OAF: variants seen among roughly 807,000 people sequenced by gnomAD.
The protein encoded by OAF is out at first homolog, also known as out at first protein homolog.
Under a neutral mutation model 22.5 loss-of-function variants are expected in OAF, and 13 were observed. That is an observed-to-expected ratio of 0.58 (90% CI 0.38 to 0.92). The LOEUF (loss-of-function observed/expected upper bound fraction) is 0.92, where lower values mean the gene tolerates loss of function less well. Among genes scored for constraint, OAF ranks in the 40% least tolerant of loss-of-function variants. The pLI is 0.00. For synonymous variants in OAF, 175 were observed against 170.5 expected, an observed-to-expected ratio of 1.03 and a Z score of -0.21; for missense variants, 347 against 381.8, an observed-to-expected ratio of 0.91 and a Z score of 0.76.
In OAF at chr11:120,211,345, G is replaced by A. The variant is rs1330127908; in HGVS notation, c.66G>A (p.Pro22=). ...TGCTGCTGCTGCCGCTGCTCGCGCC[G>A]CTGCTGGGAACGGGTGCGCCGGCCG... The part of the protein sequence containing the change: ...ALLLLLPLLA[P]LLGTGAPAEL... Residue 22 remains proline, a synonymous_variant, in exon 1 of 4, where the codon CCG becomes CCA. Coordinates refer to ENST00000328965, the MANE Select transcript of OAF (RefSeq NM_178507.4). 2.3e-5 allele frequency: 33 copies of A among 1,425,202 alleles called. No individual in the cohort carries two copies. Among genetic ancestry groups the A allele is most frequent in the Non-Finnish European group, 2.9e-5 (31 of 1,085,484 alleles). 88.3% of individuals were successfully genotyped at this position (1,425,202 alleles called of 1,614,324 possible).
At chr11:120,220,475 C>G (rs1380748056) in intron 1 of OAF, among the ~76,000 whole-genome samples, 2 of 152,206 alleles carry the variant, frequency 1.3e-5, no homozygotes, top group Non-Finnish European at 2.9e-5. Context: ...GGATGCACTT[C>G]AAGCAAGCCA....
At chr11:120,212,594 G>C (rs951478695) in intron 1 of OAF, among the ~76,000 whole-genome samples, 10 of 151,500 alleles carry the variant, frequency 6.6e-5, no homozygotes. Flanking sequence ...CCGGGGCCCC[G>C]GGGACCCTTG....
intron 3 of OAF, 146 bp downstream of exon 3, chr11:120,227,142 A>G (rs1938370852): frequency 1.7e-6 from 1 of 583,226 alleles, no homozygotes; most frequent in Non-Finnish European, 3.0e-6. Flanking sequence ...TTTGTTCAGG[A>G]GACATTTACT....
At position 120,225,738 on chromosome 11, in the gene OAF, C is replaced by T. The variant is rs1306625219; in HGVS notation, c.309C>T (p.Val103=). The T allele has an allele frequency of 1.2e-6, 2 of 1,606,494 alleles. No homozygotes were observed. Among genetic ancestry groups the T allele is most frequent in the Admixed American group, 3.4e-5 (2 of 59,026 alleles). ...GTCAGTTCCAGGCCCTCTGCTTTGT[C>T]ACCCAGCTGCAGCACAATGAGATCA... ...GQSQFQALCF[V]TQLQHNEIIP... is the part of the protein sequence containing the mutation. The change falls in exon 2 of 4, where the codon GTC becomes GTT. Residue 103 remains valine, a synonymous_variant. Coordinates refer to ENST00000328965, the MANE Select transcript of OAF (RefSeq NM_178507.4).
chr11:120,228,824 C>CT, intron 3 of OAF, 44 bp from the exon 4 acceptor site: 30 of 519,054 alleles, frequency 5.8e-5, no homozygotes, highest in Middle Eastern at 4.9e-4. Context: ...AGCTCCTTCC[C>CT]TCCCTCCCTC....
intron 1 of OAF, among the ~76,000 whole-genome samples, chr11:120,216,295 T>C (rs942319534): frequency 6.6e-6 from 1 of 152,064 alleles, no homozygotes; most frequent in Non-Finnish European, 1.5e-5. Context: ...CAAGGAGATA[T>C]CACAGCACAT....
chr11:120,221,937 G>A (rs1451258370), intron 1 of OAF, among the ~76,000 whole-genome samples: 1 of 152,180 alleles, frequency 6.6e-6, no homozygotes, highest in African/African-American at 2.4e-5. Flanking sequence ...AGTCCCTGTT[G>A]TAGGCTCTTC....
chr11:120,225,557 G>C (rs752407455), intron 1 of OAF, 104 bp from the exon 2 acceptor site: 1 of 991,736 alleles, frequency 1.0e-6, no homozygotes, highest in African/African-American at 1.7e-5. Context: ...TCTGTTGCCC[G>C]GCAGTGTCCA....
chr11:120,216,061 C>T (rs184278159), intron 1 of OAF, among the ~76,000 whole-genome samples: 144 of 152,186 alleles, frequency 9.5e-4, no homozygotes, highest in African/African-American at 3.2e-3. Flanking sequence ...AGCTCAGGGC[C>T]GCTTCGAAGG....
chr11:120,228,825 T>TTCCAAA, intron 3 of OAF, 43 bp from the exon 4 acceptor site: 10 of 434,170 alleles, frequency 2.3e-5, no homozygotes, highest in Non-Finnish European at 4.2e-5. Flanking sequence ...GCTCCTTCCC[T>TTCCAAA]CCCTCCCTCC....
Position 120,226,806 on chromosome 11 carries a change from CCA to C in OAF, c.367-3_367-2del, listed in dbSNP as rs1938363122. 6 of 1,582,484 alleles carry C rather than the reference CCA, an allele frequency of 3.8e-6. No individual in the cohort carries two copies. Among genetic ancestry groups the C allele is most frequent in the Non-Finnish European group, 5.2e-6 (6 of 1,157,658 alleles). ...AAGCCAGGTAGGAGTGACTTCTCTC[CCA>C]CACACAGAAAAATCCCCGGGCAGTG... is the stretch of plus-strand genomic sequence containing the variant. On this transcript the variant is annotated splice_region_variant and splice_polypyrimidine_tract_variant and intron_variant, in intron 2 of 3. Transcript: ENST00000328965.
At chr11:120,228,821 T>TGCCATCCCAA in intron 3 of OAF, 47 bp from the exon 4 acceptor site, 2 of 520,278 alleles carry the variant, frequency 3.8e-6, no homozygotes, top group Non-Finnish European at 7.2e-6. Context: ...GGGAGCTCCT[T>TGCCATCCCAA]CCCTCCCTCC....
chr11:120,221,481 C>T (rs1938278948), intron 1 of OAF, among the ~76,000 whole-genome samples: 1 of 152,204 alleles, frequency 6.6e-6, no homozygotes, highest in African/African-American at 2.4e-5. Context: ...AAGTTCAGCC[C>T]ACTGTGTTCT....
intron 1 of OAF, among the ~76,000 whole-genome samples, chr11:120,213,065 A>G (rs983952593): frequency 2.0e-5 from 3 of 151,464 alleles, no homozygotes; most frequent in Non-Finnish European, 4.4e-5. Context: ...GAGGCTCCCA[A>G]CCCCCTGCCC....
chr11:120,227,302 A>G (rs1254830127), intron 3 of OAF, among the ~76,000 whole-genome samples: 1 of 152,144 alleles, frequency 6.6e-6, no homozygotes, highest in Non-Finnish European at 1.5e-5. Context: ...ACCAGGCTAC[A>G]GTTGGTCTGG....
intron 1 of OAF, among the ~76,000 whole-genome samples, chr11:120,218,224 C>G (rs1247069336): frequency 6.6e-6 from 1 of 152,036 alleles, no homozygotes; most frequent in African/African-American, 2.4e-5. Flanking sequence ...TGCTAATGCC[C>G]CAAGACAAGC....
chr11:120,211,159 C>T lies in OAF; in HGVS notation c.-121C>T. On this transcript the variant is annotated 5_prime_UTR_variant, in exon 1 of 4. Transcript: ENST00000328965. ...CTCGCGGGCGACCCCGCGGCCAAGG[C>T]CCCCGGCGGAGCGGCTCCCGGGCGC... 2.5e-6 allele frequency: 1 copy of T among 407,544 alleles called. No individual in the cohort carries two copies. The highest frequency in any genetic ancestry group is 1.2e-4 in the South Asian group (1 of 8,474). The allele number at this position is 407,544 out of a possible 1,614,324, so 25.2% of individuals were successfully genotyped here. A position where few individuals can be genotyped will look rare whatever the true frequency, so the allele number is the denominator to read the frequency against.
At chr11:120,225,640 C>A in intron 1 of OAF, 21 bp from the exon 2 acceptor site, 1 of 1,573,492 alleles carries the variant, frequency 6.4e-7, no homozygotes. Flanking sequence ...CAGCCGTTCC[C>A]ATCCTCCTGC....
At chr11:120,225,584 G>C (rs1938344463) in intron 1 of OAF, 77 bp from the exon 2 acceptor site, 4 of 1,367,084 alleles carry the variant, frequency 2.9e-6, no homozygotes, top group Non-Finnish European at 3.9e-6. Context: ...CTGTTCAGGG[G>C]CCAAGCTGAG....
Sources: gnomAD v4.1 joint callset for allele counts (sites outside exome capture counted in the v4.1 genomes callset) on GRCh38, gnomAD v4.1.1 for gene constraint, MANE v1.5 for transcripts, NCBI Gene and HGNC (gene_info 2026-07-23, HGNC 2026-07-21) for gene names.